TTLL11: variants seen among roughly 807,000 people sequenced by gnomAD.
The protein encoded by TTLL11 is tubulin polyglutamylase TTLL11.
Under a neutral mutation model 51.7 loss-of-function variants are expected in TTLL11, and 42 were observed. That is an observed-to-expected ratio of 0.81 (90% confidence interval 0.64 to 1.05). The LOEUF (loss-of-function observed/expected upper bound fraction) is 1.05. TTLL11 is among the 50% of genes least tolerant of loss of function. The pLI is 0.00. For missense variants in TTLL11, 799 were observed against 940.4 expected (o/e 0.85, Z 1.97); for synonymous variants, 381 against 383.5 (o/e 0.99, Z 0.08).
At chr9:121,839,228 C>T (rs12343371) in intron 8 of TTLL11, among the ~76,000 whole-genome samples, 9,061 of 152,272 alleles carry the variant, frequency 0.06, 751 homozygotes, top group African/African-American at 0.19. Flanking sequence ...ATGTCTGCCT[C>T]GGCCACCGGA....
intron 4 of TTLL11, among the ~76,000 whole-genome samples, chr9:121,983,503 A>G (rs548637863): frequency 6.6e-6 from 1 of 152,318 alleles, no homozygotes; most frequent in South Asian, 2.1e-4. Context: ...CACCTTTCCA[A>G]GGATGGAGGC....
At chr9:122,081,830 T>C (rs1048060200) in intron 1 of TTLL11, among the ~76,000 whole-genome samples, 7 of 152,232 alleles carry the variant, frequency 4.6e-5, no homozygotes, top group African/African-American at 1.4e-4. Context: ...GCATATGAGA[T>C]AAAAAGTAAC....
intron 1 of TTLL11, among the ~76,000 whole-genome samples, chr9:122,050,463 G>A (rs944333665): frequency 3.9e-5 from 6 of 152,082 alleles, no homozygotes; most frequent in African/African-American, 1.2e-4. Context: ...ACTGTCTTAC[G>A]GGGCATTAAT....
intron 6 of TTLL11, among the ~76,000 whole-genome samples, chr9:121,922,641 T>C (rs989370387): frequency 3.3e-4 from 50 of 152,178 alleles, no homozygotes; most frequent in Middle Eastern, 3.2e-3. Context: ...CTGGAAATCC[T>C]ATAGCAGCCC....
intron 1 of TTLL11, among the ~76,000 whole-genome samples, chr9:122,052,376 T>A (rs546471733): frequency 6.6e-6 from 1 of 152,276 alleles, no homozygotes; most frequent in East Asian, 1.9e-4. Flanking sequence ...GACTGCAGTG[T>A]CTTTGGATGG....
At chr9:122,073,995 G>A (rs572720686) in intron 1 of TTLL11, among the ~76,000 whole-genome samples, 9 of 152,220 alleles carry the variant, frequency 5.9e-5, no homozygotes, top group South Asian at 2.1e-4. Flanking sequence ...GATGCTGGCC[G>A]GGCGCAGTGG....
chr9:121,830,708 G>T (rs578245119), intron 8 of TTLL11, among the ~76,000 whole-genome samples: 2 of 152,190 alleles, frequency 1.3e-5, no homozygotes, highest in Non-Finnish European at 2.9e-5. Flanking sequence ...CTAAGTAGGA[G>T]AGAACATTCT....
intron 6 of TTLL11, among the ~76,000 whole-genome samples, chr9:121,892,123 C>A: frequency 1.1e-5 from 1 of 92,222 alleles, no homozygotes. Flanking sequence ...AAAAAGTCTC[C>A]TTCTACCTTT....
chr9:121,995,764 A>G lies in TTLL11; in HGVS notation c.694-5994T>C, dbSNP rs1843238242. On this transcript the variant is annotated intron_variant, in intron 3 of 8. Coordinates refer to ENST00000321582, the MANE Select transcript of TTLL11 (RefSeq NM_001139442.2). This position sits in a 1 kb window ranked among gnomAD's most constrained non-coding sequence, Gnocchi z 4.4. ...CAGGCCAGGTTGTCCGATATCTCCT[A>G]CAGATGATTAATTCTGATACAACAA... 6.6e-6 allele frequency among the ~76,000 whole-genome samples: 1 copy of G among 152,124 alleles called. No homozygotes were observed. The highest frequency in any genetic ancestry group is 6.5e-5 in the Admixed American group (1 of 15,278).
chr9:121,851,175 G>A (rs574888968), intron 8 of TTLL11, among the ~76,000 whole-genome samples: 2 of 152,202 alleles, frequency 1.3e-5, no homozygotes, highest in South Asian at 2.1e-4. Flanking sequence ...AGGCGCTCAC[G>A]GAGGGGAGGG....
intron 6 of TTLL11, among the ~76,000 whole-genome samples, chr9:121,924,355 G>A (rs1840643381): frequency 6.6e-6 from 1 of 152,246 alleles, no homozygotes; most frequent in South Asian, 2.1e-4. Flanking sequence ...CACTGTGGCA[G>A]TGATCCCTTA....
intron 6 of TTLL11, among the ~76,000 whole-genome samples, chr9:121,902,927 G>A (rs1442340242): frequency 6.6e-6 from 1 of 152,070 alleles, no homozygotes; most frequent in African/African-American, 2.4e-5. Flanking sequence ...ATCAGATGGG[G>A]GATATCTGCA....
chr9:121,862,300 T>A (rs1185681077), intron 7 of TTLL11, among the ~76,000 whole-genome samples: 1 of 152,176 alleles, frequency 6.6e-6, no homozygotes, highest in African/African-American at 2.4e-5. Flanking sequence ...GCTGTGTGAC[T>A]GTGGGGAATT....
chr9:121,837,559 C>G (rs769472857), intron 8 of TTLL11, among the ~76,000 whole-genome samples: 1 of 152,096 alleles, frequency 6.6e-6, no homozygotes. Flanking sequence ...TGTCTACAGT[C>G]GGTCCTGATT....
intron 3 of TTLL11, among the ~76,000 whole-genome samples, chr9:122,016,725 A>G: frequency 6.6e-6 from 1 of 152,238 alleles, no homozygotes; most frequent in East Asian, 1.9e-4. Flanking sequence ...GCTTCCCTCC[A>G]AGAAACTGCA....
chr9:122,015,493 T>C (rs1843934588), intron 3 of TTLL11, among the ~76,000 whole-genome samples: 1 of 152,150 alleles, frequency 6.6e-6, no homozygotes, highest in Non-Finnish European at 1.5e-5. Flanking sequence ...CCTTTACTAG[T>C]TATGCGCCAG....
chr9:121,835,324 G>GCACCTGCCCAAGGTCACACTC (rs1199370634), intron 8 of TTLL11, among the ~76,000 whole-genome samples: 8 of 152,120 alleles, frequency 5.3e-5, no homozygotes, highest in African/African-American at 1.9e-4. Flanking sequence ...GGAGACCCAA[G>GCACCTGCCCAAGGTCACACTC]CACCTGCCCA....
In TTLL11 at chr9:122,031,715, C is replaced by T; in HGVS notation, c.693+8G>A. The T allele has an allele frequency of 6.2e-7, 1 of 1,611,850 alleles. No homozygotes were observed. The highest frequency in any genetic ancestry group is 8.5e-7 in the Non-Finnish European group (1 of 1,179,692). ...ATTCAGGGGTCATGGGGACGGAGTG[C>T]CATCTACCTGAGCAACAAAGAGCTG... On this transcript the variant is annotated splice_region_variant and intron_variant, in intron 3 of 8. Coordinates refer to ENST00000321582, the MANE Select transcript of TTLL11 (RefSeq NM_001139442.2).
At chr9:121,845,803 A>G (rs564076341) in intron 8 of TTLL11, among the ~76,000 whole-genome samples, 1 of 152,332 alleles carries the variant, frequency 6.6e-6, no homozygotes, top group African/African-American at 2.4e-5. Flanking sequence ...ATAAAGTGGA[A>G]TTATACAAAA....
Sources: allele counts gnomAD v4.1 joint callset (sites outside exome capture counted in the v4.1 genomes callset), GRCh38; gene constraint gnomAD v4.1.1; non-coding constraint Gnocchi (gnomAD v3.1); transcripts MANE v1.5; gene names NCBI Gene and HGNC (gene_info 2026-07-23, HGNC 2026-07-21).